Variants in PPFIA2 observed in about 807,000 individuals in gnomAD.
The protein encoded by PPFIA2 is PPFI scaffold protein A2, also known as liprin-alpha-2.
In PPFIA2, 46 loss-of-function variants were observed where a neutral mutation model predicts 175.5. The observed-to-expected ratio is 0.26, with a 90% CI of 0.21 to 0.34. The LOEUF (loss-of-function observed/expected upper bound fraction) is 0.34. Among genes scored for constraint, PPFIA2 ranks in the 10% least tolerant of loss-of-function variants. The probability of loss-of-function intolerance (pLI) is 1.00; values close to 1 mark genes in which losing one functional copy is unlikely to be tolerated. For missense variants in PPFIA2, 1,179 were observed against 1,506.1 expected (o/e 0.78, Z 3.60); for synonymous variants, 568 against 511.4 (o/e 1.11, Z -1.49).
intron 4 of PPFIA2, among the ~76,000 whole-genome samples, chr12:81,525,081 A>G (rs2153269600): frequency 6.6e-6 from 1 of 152,314 alleles, no homozygotes; most frequent in East Asian, 1.9e-4. Flanking sequence ...GCTGTCTATA[A>G]GTTACCCAGT....
At chr12:81,347,247 C>T (rs2059234452) in intron 18 of PPFIA2, among the ~76,000 whole-genome samples, 1 of 151,988 alleles carries the variant, frequency 6.6e-6, no homozygotes, top group East Asian at 1.9e-4. Context: ...GCCACTATGC[C>T]CAGAAATTCA....
At chr12:81,334,481 C>T (rs1210785670) in intron 21 of PPFIA2, among the ~76,000 whole-genome samples, 1 of 113,894 alleles carries the variant, frequency 8.8e-6, no homozygotes, top group Non-Finnish European at 1.9e-5. Flanking sequence ...TGTCTTCTCT[C>T]CCTCCACCAA....
chr12:81,584,886 T>C (rs1299703521), intron 4 of PPFIA2, among the ~76,000 whole-genome samples: 1 of 124,068 alleles, frequency 8.1e-6, no homozygotes, highest in African/African-American at 3.1e-5. Flanking sequence ...AATTATATAT[T>C]AATTATATTT....
intron 4 of PPFIA2, among the ~76,000 whole-genome samples, chr12:81,581,101 G>GTCCCTCAATTT (rs2074335117): frequency 6.7e-6 from 1 of 149,116 alleles, no homozygotes; most frequent in Non-Finnish European, 1.5e-5. Context: ...GGATGGCACA[G>GTCCCTCAATTT]AAAGAAAGTG....
At chr12:81,494,502 T>C (rs1248724132) in intron 4 of PPFIA2, among the ~76,000 whole-genome samples, 2 of 152,060 alleles carry the variant, frequency 1.3e-5, no homozygotes, top group East Asian at 3.9e-4. Context: ...GGTGGGACTG[T>C]AAACTAGTTC....
Position 81,384,056 on chromosome 12 carries a change from T to C in PPFIA2, c.951A>G (p.Glu317=). The change falls in exon 9 of 33, where the codon GAA becomes GAG. Residue 317 remains glutamate, a synonymous_variant. Transcript: ENST00000549396. ...TGTCCCTTTGATACTTGGTGTTCAT[T>C]TCTTCTGTTTTAATGAGATCCTTTC... ...TARKDLIKTE[E]MNTKYQRDIR... 6.2e-7 allele frequency: 1 copy of C among 1,612,828 alleles called. No homozygotes were observed. The highest frequency in any genetic ancestry group is 8.5e-7 in the Non-Finnish European group (1 of 1,179,218).
chr12:81,343,529 T>C (rs182458093), intron 19 of PPFIA2, among the ~76,000 whole-genome samples: 21 of 152,120 alleles, frequency 1.4e-4, no homozygotes, highest in African/African-American at 4.8e-4. Flanking sequence ...TTATTTTTTT[T>C]AAAAAAAGGA....
intron 22 of PPFIA2, among the ~76,000 whole-genome samples, chr12:81,323,691 T>C (rs1338862473): frequency 6.6e-6 from 1 of 152,010 alleles, no homozygotes; most frequent in East Asian, 1.9e-4. Context: ...AGAAATAAAA[T>C]TTGAAACCAT....
At chr12:81,386,249 G>C (rs2038910084) in intron 8 of PPFIA2, among the ~76,000 whole-genome samples, 1 of 151,478 alleles carries the variant, frequency 6.6e-6, no homozygotes, top group Admixed American at 6.6e-5. Context: ...CAGCAATCCA[G>C]CATGGGCAAC....
At chr12:81,440,537 G>A (rs2049983497) in intron 6 of PPFIA2, among the ~76,000 whole-genome samples, 1 of 152,004 alleles carries the variant, frequency 6.6e-6, no homozygotes, top group Non-Finnish European at 1.5e-5. Flanking sequence ...CCTGAAAAAT[G>A]TTCTTCGCTT....
At chr12:81,388,471 T>C (rs1018942934) in intron 8 of PPFIA2, among the ~76,000 whole-genome samples, 1 of 151,914 alleles carries the variant, frequency 6.6e-6, no homozygotes, top group Non-Finnish European at 1.5e-5. Flanking sequence ...GGAAAACAGA[T>C]TGGTTGTTGC....
chr12:81,306,124 A>G (rs2049081692), intron 22 of PPFIA2, among the ~76,000 whole-genome samples: 1 of 151,964 alleles, frequency 6.6e-6, no homozygotes, highest in Non-Finnish European at 1.5e-5. Flanking sequence ...CATACTTTCT[A>G]ATGTATCTTC....
intron 6 of PPFIA2, among the ~76,000 whole-genome samples, chr12:81,444,616 T>C (rs1210922774): frequency 6.6e-6 from 1 of 152,076 alleles, no homozygotes; most frequent in East Asian, 1.9e-4. Context: ...TAGTTATCCT[T>C]ACATACACAC....
At chr12:81,275,977 G>A (rs2040418223) in intron 28 of PPFIA2, among the ~76,000 whole-genome samples, 2 of 151,796 alleles carry the variant, frequency 1.3e-5, no homozygotes, top group African/African-American at 2.4e-5. Context: ...GTAGAAACAG[G>A]GTTTCACCAT....
chr12:81,610,304 GA>G (rs2060762727), intron 4 of PPFIA2, among the ~76,000 whole-genome samples: 1 of 152,106 alleles, frequency 6.6e-6, no homozygotes, highest in Non-Finnish European at 1.5e-5. Flanking sequence ...GAGATTAGGA[GA>G]ATTTTCATGG....
chr12:81,379,062 A>G (rs991960890), intron 9 of PPFIA2, among the ~76,000 whole-genome samples: 3 of 152,114 alleles, frequency 2.0e-5, no homozygotes. Context: ...TACATGCAGG[A>G]ATTTTTGCAT....
rs996272751 is a variant in PPFIA2 at position 81,531,014 on chromosome 12, T to A, written c.304-73148A>T. 2.0e-5 allele frequency among the ~76,000 whole-genome samples: 3 copies of A among 151,946 alleles called. No individual in the cohort carries two copies. In the East Asian group the frequency reaches 5.8e-4, roughly 29 times the overall value. ...TTCCCTTTTAATTATCTAAGTTGTT[T>A]GACAGACAACATCATAATAAATTTT... is the stretch of plus-strand genomic sequence containing the variant. On this transcript the variant is annotated intron_variant, in intron 4 of 32. Transcript: ENST00000549396.
chr12:81,376,928 A>T (rs1307120632), intron 9 of PPFIA2, among the ~76,000 whole-genome samples: 3 of 152,126 alleles, frequency 2.0e-5, no homozygotes, highest in Non-Finnish European at 4.4e-5. Context: ...ATAATCAGAT[A>T]AACAGACAGC....
intron 4 of PPFIA2, among the ~76,000 whole-genome samples, chr12:81,488,205 G>C (rs978692073): frequency 2.6e-5 from 4 of 151,736 alleles, no homozygotes; most frequent in African/African-American, 9.7e-5. Context: ...AGACAAACAT[G>C]AAACCTTTGT....
Sources: allele counts gnomAD v4.1 joint callset (sites outside exome capture counted in the v4.1 genomes callset), GRCh38; gene constraint gnomAD v4.1.1; transcripts MANE v1.5; gene names NCBI Gene and HGNC (gene_info 2026-07-23, HGNC 2026-07-21).